The following ZNF140 variants were observed in gnomAD, a reference collection of about 807,000 sequenced individuals.
The protein encoded by ZNF140 is zinc finger protein 140, also known as zinc finger protein 140 (clone pHZ-39).
ZNF140 carries 13 observed loss-of-function variants against 12.9 expected under a neutral mutation model. The ratio of observed to expected loss-of-function variants is 1.01; its 90% CI spans 0.66 to 1.60. ZNF140 has a LOEUF of 1.60. ZNF140 is among the 40% of genes most tolerant of loss of function. ZNF140 has a pLI of 0.00. For synonymous variants in ZNF140, 214 were observed against 186.7 expected, an observed-to-expected ratio of 1.15 and a Z score of -1.19; for missense variants, 531 against 548.8, an observed-to-expected ratio of 0.97 and a Z score of 0.32.
chr12:133,081,365 A>T (rs1489831660), intron 2 of ZNF140, 36 bp downstream of exon 2: 1 of 266,698 alleles, frequency 3.7e-6, no homozygotes, highest in Non-Finnish European at 6.3e-6. Context: ...ATATATATAT[A>T]TATATAAATT....
chr12:133,103,562 C>T (rs1955444260), intron 4 of ZNF140, among the ~76,000 whole-genome samples: 1 of 152,022 alleles, frequency 6.6e-6, no homozygotes, highest in Admixed American at 6.6e-5. Flanking sequence ...CATGAGCCAC[C>T]ACACCCGGCC....
chr12:133,106,498 T>C lies in ZNF140; in HGVS notation c.1221T>C (p.His407=). 2 of 1,614,096 alleles carry C rather than the reference T, an allele frequency of 1.2e-6. No individual in the cohort carries two copies. Among genetic ancestry groups the C allele is most frequent in the Non-Finnish European group, 1.7e-6 (2 of 1,180,002 alleles). ...SFSLILHQRT[H]TGEKPYVCKV... is the part of the protein sequence containing the mutation. ...CCCTCATTCTACATCAGAGAACTCATACTGGAGAGAAACCCTATGTATGTA... is the reference window on the plus strand; with the variant it reads ...CCCTCATTCTACATCAGAGAACTCACACTGGAGAGAAACCCTATGTATGTA... Residue 407 remains histidine, a synonymous_variant, in exon 5 of 5, where the codon CAT becomes CAC. Coordinates refer to ENST00000355557, the MANE Select transcript of ZNF140 (RefSeq NM_003440.4).
At position 133,107,340 on chromosome 12, in the gene ZNF140, C is replaced by T. The variant is rs970557887; in HGVS notation, c.*689C>T. 3 of 152,078 alleles carry T rather than the reference C, an allele frequency of 2.0e-5. No individual in the cohort carries two copies. Among genetic ancestry groups the T allele is most frequent in the African/African-American group, 7.2e-5 (3 of 41,404 alleles). The allele number at this position is 152,078 out of a possible 1,614,324, so 9.4% of individuals were successfully genotyped here. On this transcript the variant is annotated 3_prime_UTR_variant, in exon 5 of 5. Transcript: ENST00000355557. ...CATACTGGATGGAATCTGTAGGAAA[C>T]GGTTCTATTTTGAGGGAAGGGGGAT... is the stretch of plus-strand genomic sequence containing the variant.
chr12:133,083,236 A>G lies in ZNF140; in HGVS notation c.136+7A>G. ...GGCCATCTGGTCTCACTGGGTAAGT[A>G]TTCTTCTTCATCTCCCTCAAGGCAA... On this transcript the variant is annotated splice_region_variant and intron_variant, in intron 3 of 4. Coordinates refer to ENST00000355557, the MANE Select transcript of ZNF140 (RefSeq NM_003440.4). 3 of 1,604,784 alleles carry G rather than the reference A, an allele frequency of 1.9e-6. No individual in the cohort carries two copies. Among genetic ancestry groups the G allele is most frequent in the Admixed American group, 1.7e-5 (1 of 59,576 alleles).
chr12:133,100,874 G>T, intron 4 of ZNF140: 1 of 349,016 alleles, frequency 2.9e-6, no homozygotes, highest in Non-Finnish European at 5.8e-6. Context: ...TTCACATTCG[G>T]GGTGGGGTGG....
At chr12:133,085,258 A>G (rs1211771035) in intron 4 of ZNF140, among the ~76,000 whole-genome samples, 7 of 152,048 alleles carry the variant, frequency 4.6e-5, no homozygotes, top group Non-Finnish European at 1.0e-4. Flanking sequence ...CTCCTAACCT[A>G]GTGATCTGCC....
chr12:133,105,624 G>T lies in ZNF140; in HGVS notation c.347G>T (p.Ser116Ile). 1 of 1,614,154 alleles carries T rather than the reference G, an allele frequency of 6.2e-7. No individual in the cohort carries two copies. Among genetic ancestry groups the T allele is most frequent in the Non-Finnish European group, 8.5e-7 (1 of 1,180,028 alleles). ...RILSQGPVYS[S>I]FKGGWKCKDH... ...CTAAGTCAAGGCCCTGTGTATTCCA[G>T]TTTTAAAGGAGGCTGGAAATGCAAG... The change falls in exon 5 of 5, where the codon AGT becomes ATT. Residue 116 changes from serine to isoleucine, a missense_variant. Coordinates refer to ENST00000355557, the MANE Select transcript of ZNF140 (RefSeq NM_003440.4).
chr12:133,097,381 C>T (rs1048745700), intron 4 of ZNF140, among the ~76,000 whole-genome samples: 7 of 152,100 alleles, frequency 4.6e-5, no homozygotes, highest in East Asian at 1.9e-4. Flanking sequence ...TGGTGGCTCA[C>T]GCCTGTAATC....
chr12:133,086,312 G>A (rs1954675116), intron 4 of ZNF140, among the ~76,000 whole-genome samples: 1 of 152,078 alleles, frequency 6.6e-6, no homozygotes, highest in Admixed American at 6.6e-5. Flanking sequence ...TTATACTCCC[G>A]CAAACCCAAT....
intron 4 of ZNF140, among the ~76,000 whole-genome samples, chr12:133,089,236 A>T (rs1335692301): frequency 1.3e-5 from 2 of 150,946 alleles, no homozygotes; most frequent in East Asian, 1.9e-4. Context: ...TTTTCGAGGC[A>T]GGGTCTCACT....
At chr12:133,094,109 C>G (rs1040163777) in intron 4 of ZNF140, among the ~76,000 whole-genome samples, 9 of 151,286 alleles carry the variant, frequency 5.9e-5, no homozygotes, top group African/African-American at 2.2e-4. Context: ...CAACCTCTGT[C>G]TGCAGAAATG....
chr12:133,080,522 A>C (rs1248913284), upstream of ZNF140: 2 of 152,152 alleles, frequency 1.3e-5, no homozygotes, highest in African/African-American at 2.4e-5. Flanking sequence ...CTTGGCCGCG[A>C]GACACTCTGG....
intron 4 of ZNF140, among the ~76,000 whole-genome samples, chr12:133,099,882 CCTTCA>C (rs1356835431): frequency 1.3e-5 from 2 of 151,750 alleles, no homozygotes; most frequent in African/African-American, 4.8e-5. Context: ...AGTAATTTCT[CCTTCA>C]CTTTTGAAGG....
In ZNF140 at chr12:133,083,127, G is replaced by A; in HGVS notation, c.34G>A (p.Ala12Thr). ...GGGGTCAGTGACATTCAGAGATGTGGCCATAGACTTCTCCCAGGAGGAGTG... is the reference window on the plus strand; with the variant it reads ...GGGGTCAGTGACATTCAGAGATGTGACCATAGACTTCTCCCAGGAGGAGTG... Reference protein sequence around the residue: ...SQGSVTFRDVAIDFSQEEWKW... With the variant: ...SQGSVTFRDVTIDFSQEEWKW... Residue 12 changes from alanine (A) to threonine (T), a missense_variant, in exon 3 of 5, where the codon GCC (alanine) becomes ACC (threonine). By Grantham distance (58) the Ala-to-Thr change is moderately conservative. Transcript: ENST00000355557. 7 of 1,614,196 alleles carry A rather than the reference G, an allele frequency of 4.3e-6. No homozygotes were observed. Among genetic ancestry groups the A allele is most frequent in the Non-Finnish European group, 5.1e-6 (6 of 1,180,022 alleles).
chr12:133,096,625 G>T (rs980818740), intron 4 of ZNF140, among the ~76,000 whole-genome samples: 1 of 152,054 alleles, frequency 6.6e-6, no homozygotes, highest in African/African-American at 2.4e-5. Context: ...CAGATTTCTT[G>T]TTTGTGTTAC....
chr12:133,103,255 A>G (rs1955426477), intron 4 of ZNF140, among the ~76,000 whole-genome samples: 1 of 152,132 alleles, frequency 6.6e-6, no homozygotes, highest in South Asian at 2.1e-4. Flanking sequence ...ATGCAAGAGA[A>G]CACCTGAGCT....
At position 133,106,434 on chromosome 12, in the gene ZNF140, C is replaced by T. The variant is rs2229373; in HGVS notation, c.1157C>T (p.Ala386Val). 24,017 of 1,614,010 alleles carry T rather than the reference C, an allele frequency of 0.015. 3,701 individuals carry two copies. The East Asian group carries it at 0.39, about 26-fold the overall frequency. The change falls in exon 5 of 5, where the codon GCG becomes GTG. Residue 386 changes from alanine to valine, a missense_variant. Coordinates refer to ENST00000355557, the MANE Select transcript of ZNF140 (RefSeq NM_003440.4). ...AGTCACACTGGAGAGAAACCCTATG[C>T]GTGTGCTGAATGTGATAAAGCCTTC... ...TKSHTGEKPY[A>V]CAECDKAFSR...
chr12:133,102,760 A>G (rs925848001), intron 4 of ZNF140, among the ~76,000 whole-genome samples: 5 of 151,156 alleles, frequency 3.3e-5, no homozygotes, highest in Non-Finnish European at 7.4e-5. Context: ...TAAAAAAAAA[A>G]AAAAGAAAAA....
intron 4 of ZNF140, among the ~76,000 whole-genome samples, chr12:133,104,615 T>G (rs1461666453): frequency 6.6e-6 from 1 of 152,196 alleles, no homozygotes; most frequent in Non-Finnish European, 1.5e-5. Context: ...CCTCCCAAAG[T>G]GCTGAGATTA....
Sources: gnomAD v4.1 joint callset for allele counts (sites outside exome capture counted in the v4.1 genomes callset) on GRCh38, gnomAD v4.1.1 for gene constraint, MANE v1.5 for transcripts, NCBI Gene and HGNC (gene_info 2026-07-23, HGNC 2026-07-21) for gene names.